The following LIFR variants were observed in gnomAD, a reference collection of about 807,000 sequenced individuals.
LIFR encodes the protein leukemia inhibitory factor receptor.
Under a neutral mutation model 122.2 loss-of-function variants are expected in LIFR, and 84 were observed. The observed-to-expected ratio is 0.69, with a 90% CI of 0.58 to 0.82. The LOEUF is 0.82. Among genes scored for constraint, LIFR ranks in the 40% least tolerant of loss-of-function variants. LIFR has a pLI of 0.00. For synonymous variants in LIFR, 422 were observed against 434.7 expected, an observed-to-expected ratio of 0.97 and a Z score of 0.36; for missense variants, 1,294 against 1,311.6, an observed-to-expected ratio of 0.99 and a Z score of 0.21.
At chr5:38,510,434 G>A (rs1205802413) in intron 7 of LIFR, 30 bp downstream of exon 7, 1 of 1,599,684 alleles carries the variant, frequency 6.3e-7, no homozygotes, top group South Asian at 1.1e-5. Flanking sequence ...CAGGTTAATA[G>A]GAATTCTCTC....
At position 38,514,443 on chromosome 5, in the gene LIFR, T is replaced by C. The variant is rs111545341; in HGVS notation, c.562-2479A>G. ...CTAGTAATCACGCACGAGTGCAGAA[T>C]AGACATTTTCATAAATGTGGTATCT... On this transcript the variant is annotated intron_variant, in intron 5 of 19. Coordinates refer to ENST00000453190, the MANE Select transcript of LIFR (RefSeq NM_001127671.2). Among the ~76,000 whole-genome samples the C allele has an allele frequency of 2.7e-3, 409 of 152,340 alleles. 1 individual carries two copies. Among genetic ancestry groups the C allele is most frequent in the African/African-American group, 8.1e-3 (335 of 41,580 alleles).
At chr5:38,558,229 G>A (rs572245357), upstream of LIFR, 5 of 152,220 alleles carry the variant, frequency 3.3e-5, no homozygotes, top group Middle Eastern at 6.8e-3. Context: ...AATGGAGTAA[G>A]GGGCTCAACG....
chr5:38,569,860 C>T (rs1014344724), intron 1 of LIFR, among the ~76,000 whole-genome samples: 6 of 152,142 alleles, frequency 3.9e-5, no homozygotes, highest in African/African-American at 1.4e-4. Context: ...TTTCATTCTG[C>T]CTAGAGTATG....
At chr5:38,525,485 C>CTTAAAAATAGTTA (rs2112552589) in intron 4 of LIFR, among the ~76,000 whole-genome samples, 1 of 152,210 alleles carries the variant, frequency 6.6e-6, no homozygotes, top group Admixed American at 6.5e-5. Context: ...AATCTCGGAA[C>CTTAAAAATAGTTA]TTAAAAATAG....
chr5:38,513,920 A>C (rs1745938250), intron 5 of LIFR, among the ~76,000 whole-genome samples: 1 of 152,192 alleles, frequency 6.6e-6, no homozygotes, highest in Non-Finnish European at 1.5e-5. Flanking sequence ...GAAAAGAAAA[A>C]GAAAAAATGT....
intron 1 of LIFR, among the ~76,000 whole-genome samples, chr5:38,545,681 T>C (rs1408201891): frequency 6.6e-6 from 1 of 151,672 alleles, no homozygotes; most frequent in Non-Finnish European, 1.5e-5. Context: ...GCTAACACAG[T>C]GAAACCCTGT....
chr5:38,582,633 C>G (rs1749623435), intron 1 of LIFR, among the ~76,000 whole-genome samples: 1 of 152,150 alleles, frequency 6.6e-6, no homozygotes, highest in African/African-American at 2.4e-5. Flanking sequence ...AAAATTATCT[C>G]CATGAACCAC....
intron 1 of LIFR, among the ~76,000 whole-genome samples, chr5:38,571,855 A>C (rs933381867): frequency 1.3e-5 from 2 of 152,180 alleles, no homozygotes; most frequent in Non-Finnish European, 2.9e-5. Context: ...GGCCTAAAAC[A>C]TTTGACCTAA....
intron 16 of LIFR, among the ~76,000 whole-genome samples, chr5:38,486,871 G>C (rs1241911863): frequency 6.6e-6 from 1 of 152,094 alleles, no homozygotes; most frequent in Non-Finnish European, 1.5e-5. Flanking sequence ...TCAGTGTTTG[G>C]ATTACTATGA....
chr5:38,513,511 A>G (rs755894430), intron 5 of LIFR, among the ~76,000 whole-genome samples: 13 of 152,342 alleles, frequency 8.5e-5, no homozygotes, highest in South Asian at 2.1e-4. Context: ...GTAAAACAGA[A>G]TATCTTTGGA....
intron 1 of LIFR, chr5:38,579,299 A>T (rs1181645928): frequency 6.6e-6 from 1 of 151,788 alleles, no homozygotes; most frequent in African/African-American, 2.4e-5. Context: ...TGGCCAAAAC[A>T]GGTCACGTGG....
At chr5:38,529,746 T>C (rs1042963717) in intron 2 of LIFR, among the ~76,000 whole-genome samples, 7 of 152,252 alleles carry the variant, frequency 4.6e-5, no homozygotes, top group African/African-American at 1.7e-4. Flanking sequence ...TTATGAAAAA[T>C]GTTTTTGTTT....
chr5:38,578,299 C>A (rs1249535395), intron 1 of LIFR, among the ~76,000 whole-genome samples: 1 of 146,544 alleles, frequency 6.8e-6, no homozygotes, highest in South Asian at 2.2e-4. Context: ...GTCTGCCTCC[C>A]GGTTTCAAGT....
intron 1 of LIFR, among the ~76,000 whole-genome samples, chr5:38,562,639 G>A (rs1225219499): frequency 6.6e-6 from 1 of 152,224 alleles, no homozygotes; most frequent in African/African-American, 2.4e-5. Context: ...TGTGCAGATG[G>A]AGAAAGAAGC....
upstream of LIFR, chr5:38,558,894 A>G (rs1349336259): frequency 1.3e-5 from 2 of 152,232 alleles, no homozygotes; most frequent in Non-Finnish European, 2.9e-5. Flanking sequence ...TTGGGTAGGA[A>G]CACAAAGCCT....
At chr5:38,493,514 G>T in intron 14 of LIFR, 92 bp downstream of exon 14, 1 of 1,232,008 alleles carries the variant, frequency 8.1e-7, no homozygotes, top group Non-Finnish European at 1.2e-6. Context: ...CCATCCAGCA[G>T]TAAAGAGAAT....
chr5:38,509,473 G>A (rs1227293508), intron 7 of LIFR, among the ~76,000 whole-genome samples: 2 of 152,106 alleles, frequency 1.3e-5, no homozygotes, highest in Admixed American at 6.5e-5. Flanking sequence ...CTATTCCTTT[G>A]GGAATACATC....
At chr5:38,587,464 G>A (rs1261790883) in intron 1 of LIFR, among the ~76,000 whole-genome samples, 1 of 147,594 alleles carries the variant, frequency 6.8e-6, no homozygotes, top group Non-Finnish European at 1.5e-5. Context: ...GAGTCAGGTA[G>A]CACTTCCGAA....
chr5:38,607,610 C>T (rs898715472), intron 1 of LIFR: 2 of 152,120 alleles, frequency 1.3e-5, no homozygotes, highest in African/African-American at 4.8e-5. Context: ...CAGAATAGAA[C>T]GTCTTGCACA....
Sources: gnomAD v4.1 joint callset for allele counts (sites outside exome capture counted in the v4.1 genomes callset) on GRCh38, gnomAD v4.1.1 for gene constraint, MANE v1.5 for transcripts, NCBI Gene and HGNC (gene_info 2026-07-23, HGNC 2026-07-21) for gene names.